R3HCC1L: variants seen among roughly 807,000 people sequenced by gnomAD.
R3HCC1L encodes the protein coiled-coil domain-containing protein R3HCC1L.
R3HCC1L carries 51 observed loss-of-function variants against 59.9 expected under a neutral mutation model. That is an observed-to-expected ratio of 0.85 (90% CI 0.68 to 1.07). The LOEUF is 1.07. Ranked by LOEUF, R3HCC1L falls within the 50% of genes least tolerant of loss-of-function variation. R3HCC1L has a pLI of 0.00. For missense variants in R3HCC1L, 965 were observed against 933.0 expected, an observed-to-expected ratio of 1.03 and a Z score of -0.45; for synonymous variants, 322 against 315.2, an observed-to-expected ratio of 1.02 and a Z score of -0.23.
At chr10:98,201,757 T>C (rs965601144) in intron 4 of R3HCC1L, among the ~76,000 whole-genome samples, 1 of 152,256 alleles carries the variant, frequency 6.6e-6, no homozygotes, top group Non-Finnish European at 1.5e-5. Context: ...CAGCTTTCTT[T>C]CCTTTGTTTT....
At chr10:98,174,136 T>C (rs1848775379) in intron 4 of R3HCC1L, among the ~76,000 whole-genome samples, 1 of 152,198 alleles carries the variant, frequency 6.6e-6, no homozygotes, top group Non-Finnish European at 1.5e-5. Context: ...ACTAATACAA[T>C]CTTGGGAGAA....
intron 4 of R3HCC1L, among the ~76,000 whole-genome samples, chr10:98,165,937 C>A (rs762369819): frequency 2.6e-5 from 4 of 152,062 alleles, no homozygotes; most frequent in Non-Finnish European, 4.4e-5. Flanking sequence ...TTTGGGAGGC[C>A]AAGGCGGGTG....
At chr10:98,205,311 A>G (rs950264164) in intron 4 of R3HCC1L, among the ~76,000 whole-genome samples, 1 of 152,136 alleles carries the variant, frequency 6.6e-6, no homozygotes, top group Admixed American at 6.5e-5. Context: ...TCTCACAATG[A>G]TAACTAGAAA....
chr10:98,166,463 G>A (rs1847958114), intron 4 of R3HCC1L, among the ~76,000 whole-genome samples: 1 of 152,192 alleles, frequency 6.6e-6, no homozygotes, highest in East Asian at 1.9e-4. Flanking sequence ...CACATGTTGA[G>A]TCTATTCTTT....
chr10:98,213,672 T>A (rs748894568), intron 5 of R3HCC1L, among the ~76,000 whole-genome samples: 5 of 152,164 alleles, frequency 3.3e-5, no homozygotes, highest in South Asian at 2.1e-4. Flanking sequence ...TATTCCATTT[T>A]AAAAAAATCT....
chr10:98,194,260 G>A (rs1374356633), intron 4 of R3HCC1L, among the ~76,000 whole-genome samples: 2 of 151,954 alleles, frequency 1.3e-5, no homozygotes, highest in East Asian at 3.8e-4. Flanking sequence ...AATCGTGTTG[G>A]GAAAACTGGA....
chr10:98,199,487 A>T (rs1488479969), intron 4 of R3HCC1L, among the ~76,000 whole-genome samples: 1 of 151,938 alleles, frequency 6.6e-6, no homozygotes, highest in Non-Finnish European at 1.5e-5. Context: ...TTTTTGTAAC[A>T]AATTTAAACA....
intron 4 of R3HCC1L, among the ~76,000 whole-genome samples, chr10:98,201,301 A>G (rs1422044067): frequency 6.6e-6 from 1 of 152,220 alleles, no homozygotes; most frequent in African/African-American, 2.4e-5. Flanking sequence ...GTGGTCTGGT[A>G]GTGAATGCTT....
chr10:98,197,008 C>A (rs1020077147), intron 4 of R3HCC1L, among the ~76,000 whole-genome samples: 1 of 152,050 alleles, frequency 6.6e-6, no homozygotes, highest in East Asian at 1.9e-4. Flanking sequence ...CCTCCACCTC[C>A]CAGGTTCAAG....
At chr10:98,173,505 A>G (rs776195095) in intron 4 of R3HCC1L, among the ~76,000 whole-genome samples, 2 of 152,124 alleles carry the variant, frequency 1.3e-5, no homozygotes, top group African/African-American at 2.4e-5. Context: ...CTATTGATCC[A>G]CCGGCAGTTT....
At chr10:98,194,316 TA>T (rs1328497741) in intron 4 of R3HCC1L, among the ~76,000 whole-genome samples, 1 of 152,038 alleles carries the variant, frequency 6.6e-6, no homozygotes, top group East Asian at 1.9e-4. Flanking sequence ...AAAATTTAAT[TA>T]AAAATGGATT....
Position 98,235,486 on chromosome 10 carries a change from A to G in R3HCC1L, c.2094A>G (p.Thr698=). ...AGATTCGTCCCTTGTCACAGGCCAC[A>G]AGAGCAGCCAAGGCCAAAGCTAGAG... ...MVKIRPLSQA[T]RAAKAKARAY... is the part of the protein sequence containing the mutation. The change falls in exon 8 of 10, where the codon ACA becomes ACG. Residue 698 remains threonine (T), a synonymous_variant. Transcript: ENST00000298999. 6.2e-7 allele frequency: 1 copy of G among 1,613,716 alleles called. No individual in the cohort carries two copies. Among genetic ancestry groups the G allele is most frequent in the Non-Finnish European group, 8.5e-7 (1 of 1,179,776 alleles).
At chr10:98,158,572 TAA>T (rs1213965838) in intron 2 of R3HCC1L, among the ~76,000 whole-genome samples, 2 of 152,192 alleles carry the variant, frequency 1.3e-5, no homozygotes, top group Non-Finnish European at 2.9e-5. Flanking sequence ...CCTAAATAGT[TAA>T]GTGTGCACTT....
intron 4 of R3HCC1L, among the ~76,000 whole-genome samples, chr10:98,202,290 G>T (rs899322744): frequency 3.3e-5 from 5 of 152,102 alleles, no homozygotes; most frequent in African/African-American, 1.2e-4. Context: ...CAGAAAATTT[G>T]CATGCTTTTA....
intron 4 of R3HCC1L, 113 bp downstream of exon 4, chr10:98,163,510 T>A: frequency 1.5e-6 from 1 of 653,360 alleles, no homozygotes; most frequent in Non-Finnish European, 2.3e-6. Context: ...AACTGTCATG[T>A]AAAACAAGTT....
At chr10:98,188,925 A>T (rs983347571) in intron 4 of R3HCC1L, among the ~76,000 whole-genome samples, 1 of 152,154 alleles carries the variant, frequency 6.6e-6, no homozygotes, top group Non-Finnish European at 1.5e-5. Context: ...TAATAATTCT[A>T]CTTCATAGGG....
In R3HCC1L at chr10:98,140,762, TAA is replaced by T. The variant is rs146166718; in HGVS notation, c.-268+6057_-268+6058del. On this transcript the variant is annotated intron_variant, in intron 1 of 9. Coordinates refer to ENST00000298999, the MANE Select transcript of R3HCC1L (RefSeq NM_001351015.2). ...TACACTAACATTTTTCCTTAAATAC[TAA>T]GTTTATTTTGCATATTCAGCATGCA... Among the ~76,000 whole-genome samples the T allele has an allele frequency of 2.8e-3, 432 of 152,334 alleles. 1 individual carries two copies. Among genetic ancestry groups the T allele is most frequent in the African/African-American group, 9.8e-3 (409 of 41,578 alleles).
chr10:98,183,975 G>GTTTTTTTTTTTTTTTTTTTTTTTTTT (rs1849954252), intron 4 of R3HCC1L, among the ~76,000 whole-genome samples: 2 of 74,968 alleles, frequency 2.7e-5, no homozygotes, highest in African/African-American at 9.5e-5. Flanking sequence ...TTTTTTTTTG[G>GTTTTTTTTTTTTTTTTTTTTTTTTTT]TTGAAATCTG....
intron 5 of R3HCC1L, among the ~76,000 whole-genome samples, chr10:98,219,805 TTTTTAGAATTC>T (rs1285692794): frequency 6.6e-6 from 1 of 152,164 alleles, no homozygotes; most frequent in East Asian, 1.9e-4. Context: ...CTCTTGCTGT[TTTTTAGAATTC>T]TTGGTCTTTG....
Sources: gnomAD v4.1 joint callset for allele counts (sites outside exome capture counted in the v4.1 genomes callset) on GRCh38, gnomAD v4.1.1 for gene constraint, MANE v1.5 for transcripts, NCBI Gene and HGNC (gene_info 2026-07-23, HGNC 2026-07-21) for gene names.